Variants in GNA14 observed in about 807,000 individuals in gnomAD.
The protein encoded by GNA14 is G protein subunit alpha 14, also known as guanine nucleotide-binding protein subunit alpha-14.
Under a neutral mutation model 42.0 loss-of-function variants are expected in GNA14, and 50 were observed. The observed-to-expected ratio is 1.19, with a 90% CI of 0.95 to 1.51. The LOEUF (loss-of-function observed/expected upper bound fraction) is 1.51, where lower values mean the gene tolerates loss of function less well. GNA14 is among the 40% of genes most tolerant of loss of function. The pLI, the probability that GNA14 is intolerant of heterozygous loss-of-function variation, is 0.00. For synonymous variants in GNA14, 173 were observed against 163.1 expected, an observed-to-expected ratio of 1.06 and a Z score of -0.46; for missense variants, 473 against 446.2, an observed-to-expected ratio of 1.06 and a Z score of -0.54.
At chr9:77,535,772 G>A (rs1000219954) in intron 1 of GNA14, among the ~76,000 whole-genome samples, 2 of 151,990 alleles carry the variant, frequency 1.3e-5, no homozygotes, top group African/African-American at 4.8e-5. Context: ...GGATGCACCC[G>A]GTCCACAGGC....
chr9:77,522,692 C>A (rs1051319508), intron 2 of GNA14, among the ~76,000 whole-genome samples: 2 of 152,166 alleles, frequency 1.3e-5, no homozygotes, highest in Non-Finnish European at 2.9e-5. Flanking sequence ...AATCCACATG[C>A]TCTGGCTGCC....
At chr9:77,501,796 C>T (rs567142404) in intron 2 of GNA14, among the ~76,000 whole-genome samples, 28 of 150,250 alleles carry the variant, frequency 1.9e-4, no homozygotes, top group African/African-American at 5.7e-4. Context: ...CTGCAAGCTC[C>T]GCCTCCCGGG....
intron 1 of GNA14, among the ~76,000 whole-genome samples, chr9:77,588,905 C>T (rs1357565022): frequency 6.6e-6 from 1 of 152,178 alleles, no homozygotes; most frequent in Non-Finnish European, 1.5e-5. Flanking sequence ...CTGCTTTTGC[C>T]ACTGTCTAAA....
intron 1 of GNA14, among the ~76,000 whole-genome samples, chr9:77,529,495 G>T (rs1837495749): frequency 6.6e-6 from 1 of 152,138 alleles, no homozygotes; most frequent in African/African-American, 2.4e-5. Flanking sequence ...CTAAGTCCTT[G>T]AAAAACAGGC....
chr9:77,610,635 G>A (rs552908499), intron 1 of GNA14, among the ~76,000 whole-genome samples: 13 of 152,000 alleles, frequency 8.6e-5, no homozygotes, highest in East Asian at 3.9e-4. Context: ...CATAATATGC[G>A]TCTCTACACT....
At chr9:77,459,441 C>T (rs1244334813) in intron 2 of GNA14, among the ~76,000 whole-genome samples, 2 of 151,986 alleles carry the variant, frequency 1.3e-5, no homozygotes, top group African/African-American at 2.4e-5. Flanking sequence ...CGCCTGGCCT[C>T]GCCTCCTGTC....
intron 1 of GNA14, among the ~76,000 whole-genome samples, chr9:77,611,399 G>A (rs1173471813): frequency 1.3e-5 from 2 of 152,292 alleles, no homozygotes; most frequent in South Asian, 4.1e-4. Flanking sequence ...TCTGAACATA[G>A]GAAACTAAAT....
chr9:77,453,497 CAATA>C (rs1176353048), intron 2 of GNA14, among the ~76,000 whole-genome samples: 1 of 152,132 alleles, frequency 6.6e-6, no homozygotes, highest in Non-Finnish European at 1.5e-5. Flanking sequence ...TCTTTACATT[CAATA>C]AATACTGACA....
chr9:77,578,691 TA>T (rs1159469048), intron 1 of GNA14, among the ~76,000 whole-genome samples: 1 of 152,204 alleles, frequency 6.6e-6, no homozygotes, highest in Admixed American at 6.5e-5. Flanking sequence ...TTGAAACATT[TA>T]TCCCACTTAA....
intron 2 of GNA14, among the ~76,000 whole-genome samples, chr9:77,445,814 G>A (rs545816724): frequency 6.6e-6 from 1 of 152,142 alleles, no homozygotes; most frequent in Non-Finnish European, 1.5e-5. Flanking sequence ...TGTTATGTGG[G>A]AAGATAGAGT....
At chr9:77,531,310 T>A (rs1837525545) in intron 1 of GNA14, among the ~76,000 whole-genome samples, 1 of 152,088 alleles carries the variant, frequency 6.6e-6, no homozygotes, top group Non-Finnish European at 1.5e-5. Context: ...AAACGAGACA[T>A]GAATTGAACA....
At chr9:77,631,324 T>A (rs867924865) in intron 1 of GNA14, among the ~76,000 whole-genome samples, 4 of 152,146 alleles carry the variant, frequency 2.6e-5, no homozygotes, top group African/African-American at 9.7e-5. Context: ...CATCATCACA[T>A]GGCCACAATT....
chr9:77,480,166 A>G lies in GNA14; in HGVS notation c.310-45644T>C, dbSNP rs529445370. On this transcript the variant is annotated intron_variant, in intron 2 of 6. Coordinates refer to ENST00000341700, the MANE Select transcript of GNA14 (RefSeq NM_004297.4). ...GAATGCTTCCAGTTTTTGCCCATTC[A>G]GTATGATATTGGCTGTGGGTTTGTC... Among the ~76,000 whole-genome samples the G allele has an allele frequency of 3.2e-3, 486 of 152,266 alleles. 2 individuals are homozygous for G. Among genetic ancestry groups the G allele is most frequent in the African/African-American group, 0.011 (469 of 41,548 alleles).
intron 2 of GNA14, among the ~76,000 whole-genome samples, chr9:77,437,917 C>T (rs1835665541): frequency 6.6e-6 from 1 of 152,194 alleles, no homozygotes; most frequent in African/African-American, 2.4e-5. Flanking sequence ...CTGCACAGAT[C>T]CTGACTGATA....
At chr9:77,494,469 G>T (rs1836838061) in intron 2 of GNA14, among the ~76,000 whole-genome samples, 1 of 151,946 alleles carries the variant, frequency 6.6e-6, no homozygotes, top group African/African-American at 2.4e-5. Flanking sequence ...AAAAAAATTG[G>T]GAAACACTGC....
At chr9:77,519,787 C>A (rs79518612) in intron 2 of GNA14, among the ~76,000 whole-genome samples, 9,330 of 152,008 alleles carry the variant, frequency 0.061, 898 homozygotes, top group African/African-American at 0.21. Context: ...GAGGTGGGTG[C>A]ACACCTGAGA....
intron 1 of GNA14, among the ~76,000 whole-genome samples, chr9:77,593,364 A>G (rs923714993): frequency 3.4e-5 from 5 of 145,574 alleles, no homozygotes; most frequent in East Asian, 1.9e-4. Context: ...GTCTCACTCT[A>G]TTGTCCAGGC....
At chr9:77,622,652 T>C (rs1272612122) in intron 1 of GNA14, among the ~76,000 whole-genome samples, 2 of 147,744 alleles carry the variant, frequency 1.4e-5, no homozygotes, top group East Asian at 2.0e-4. Context: ...TTTGGGAGGC[T>C]GAGGCAGGCA....
chr9:77,635,572 G>A (rs1439610585), intron 1 of GNA14, among the ~76,000 whole-genome samples: 1 of 152,118 alleles, frequency 6.6e-6, no homozygotes, highest in Non-Finnish European at 1.5e-5. Context: ...AAGGAAAAAA[G>A]AGAGAAAAGT....
Sources: gnomAD v4.1 joint callset for allele counts (sites outside exome capture counted in the v4.1 genomes callset) on GRCh38, gnomAD v4.1.1 for gene constraint, MANE v1.5 for transcripts, NCBI Gene and HGNC (gene_info 2026-07-23, HGNC 2026-07-21) for gene names.